The following PCDHGB4 variants were observed in gnomAD, a reference collection of about 807,000 sequenced individuals.
PCDHGB4 encodes the protein protocadherin gamma-B4.
In PCDHGB4, 38 loss-of-function variants were observed where a neutral mutation model predicts 60.5. The ratio of observed to expected loss-of-function variants is 0.63; its 90% CI spans 0.48 to 0.82. The LOEUF (loss-of-function observed/expected upper bound fraction) is 0.82. PCDHGB4 is among the 40% of genes least tolerant of loss of function. The pLI, the probability that PCDHGB4 is intolerant of heterozygous loss-of-function variation, is 0.00. For synonymous variants in PCDHGB4, 456 were observed against 509.7 expected, an observed-to-expected ratio of 0.89 and a Z score of 1.42; for missense variants, 1,109 against 1,209.6, an observed-to-expected ratio of 0.92 and a Z score of 1.23.
intron 1 of PCDHGB4, among the ~76,000 whole-genome samples, chr5:141,460,454 T>C (rs1010186960): frequency 6.6e-6 from 1 of 152,194 alleles, no homozygotes; most frequent in Admixed American, 6.6e-5. Context: ...TGAAGATTCA[T>C]ATTTTTTTCC....
Position 141,388,937 on chromosome 5 carries a change from C to T in PCDHGB4, c.1053C>T (p.Pro351=). ...CAGAAGTGATATTCCAGTCTCTACC[C>T]AACCTAATTATGGAGGACGCCGAGC... is the stretch of plus-strand genomic sequence containing the variant. ...NAPEVIFQSL[P]NLIMEDAELG... The change falls in exon 1 of 4, where the codon CCC becomes CCT. Residue 351 remains proline (P), a synonymous_variant. Transcript: ENST00000519479. The T allele has an allele frequency of 6.2e-7, 1 of 1,613,964 alleles. No individual in the cohort carries two copies. The highest frequency in any genetic ancestry group is 8.5e-7 in the Non-Finnish European group (1 of 1,179,872).
At chr5:141,423,500 T>A (rs1191111288) in intron 1 of PCDHGB4, 1 of 1,613,732 alleles carries the variant, frequency 6.2e-7, no homozygotes, top group Non-Finnish European at 8.5e-7. Flanking sequence ...TCCCACGAGG[T>A]CTCTCTCATT....
At position 141,399,508 on chromosome 5, in the gene PCDHGB4, A is replaced by C. The variant is rs780948105; in HGVS notation, c.2397+9227A>C. ...CTACTTAGTCAGTGTACCCGAAAAC[A>C]ACCCTCCTGGGGCCTCCATCGCGCA... On this transcript the variant is annotated intron_variant, in intron 1 of 3. Coordinates refer to ENST00000519479, the MANE Select transcript of PCDHGB4 (RefSeq NM_003736.4). 3.2e-5 allele frequency: 51 copies of C among 1,613,904 alleles called. No homozygotes were observed. In the African/African-American group the frequency reaches 6.7e-4, roughly 21 times the overall value.
Position 141,487,522 on chromosome 5 carries a change from T to G in PCDHGB4, c.2398-7285T>G, listed in dbSNP as rs764726787. Reference sequence around the variant, plus strand: ...TGGCTTCTGCACCCACTCGGAGTGATAGCTTCATGATGGTGAAGTCACCCA... The same window carrying G: ...TGGCTTCTGCACCCACTCGGAGTGAGAGCTTCATGATGGTGAAGTCACCCA... On this transcript the variant is annotated intron_variant, in intron 1 of 3. Transcript: ENST00000519479. This position sits in a 1 kb window ranked among gnomAD's most constrained non-coding sequence, Gnocchi z 5.0. The G allele has an allele frequency of 6.2e-7, 1 of 1,614,166 alleles. No individual in the cohort carries two copies. The highest frequency in any genetic ancestry group is 8.5e-7 in the Non-Finnish European group (1 of 1,180,022).
chr5:141,505,326 G>A, intron 2 of PCDHGB4, 67 bp from the exon 3 acceptor site: 2 of 1,607,648 alleles, frequency 1.2e-6, no homozygotes, highest in East Asian at 2.2e-5. Context: ...AGCCCTGGGA[G>A]AGGACAGGAG....
In PCDHGB4 at chr5:141,476,686, C is replaced by T. The variant is rs138480390; in HGVS notation, c.2398-18121C>T. On this transcript the variant is annotated intron_variant, in intron 1 of 3. Coordinates refer to ENST00000519479, the MANE Select transcript of PCDHGB4 (RefSeq NM_003736.4). The surrounding 1 kb of genome is among the most constrained non-coding windows in gnomAD (Gnocchi z 7.6). ...TTCGCGTGCAGACGCGGGAGGACAGCACCAAGTACGCGGAGCTGGTGTTGG... is the reference window on the plus strand; with the variant it reads ...TTCGCGTGCAGACGCGGGAGGACAGTACCAAGTACGCGGAGCTGGTGTTGG... 6.2e-7 allele frequency: 1 copy of T among 1,614,126 alleles called. No homozygotes were observed. The highest frequency in any genetic ancestry group is 1.3e-5 in the African/African-American group (1 of 74,952).
At chr5:141,403,218 G>A in intron 1 of PCDHGB4, 1 of 1,613,968 alleles carries the variant, frequency 6.2e-7, no homozygotes. Flanking sequence ...ACCGCGGGTA[G>A]GATAGACCGG....
At chr5:141,449,137 A>C (rs1257120647) in intron 1 of PCDHGB4, among the ~76,000 whole-genome samples, 1 of 152,176 alleles carries the variant, frequency 6.6e-6, no homozygotes, top group Non-Finnish European at 1.5e-5. Context: ...AATGGAATTG[A>C]AATTGCTGGG....
At chr5:141,428,022 G>A (rs1439933482) in intron 1 of PCDHGB4, 11 of 1,605,558 alleles carry the variant, frequency 6.9e-6, no homozygotes, top group South Asian at 1.1e-5. Context: ...GCCACGCGCC[G>A]CAGAGTCCGG....
rs373553997 is a variant in PCDHGB4 at position 141,388,640 on chromosome 5, A to G, written c.756A>G (p.Ser252=). Residue 252 remains serine, a synonymous_variant, in exon 1 of 4, where the codon TCA becomes TCG. Coordinates refer to ENST00000519479, the MANE Select transcript of PCDHGB4 (RefSeq NM_003736.4). ...FSQDVYRVSL[S]ENVYPGTTVL... ...AAGACGTATACAGGGTGAGCCTTTC[A>G]GAAAACGTGTACCCGGGGACCACGG... 3 of 1,613,844 alleles carry G rather than the reference A, an allele frequency of 1.9e-6. No homozygotes were observed. Among genetic ancestry groups the G allele is most frequent in the African/African-American group, 2.7e-5 (2 of 74,916 alleles).
In PCDHGB4 at chr5:141,415,309, G is replaced by A. The variant is rs199689792; in HGVS notation, c.2397+25028G>A. ...GGTCTCCTGCGTCTTCCTGGCCTTC[G>A]TCATCGTGCTGCTGGCGCACAGGCT... is the stretch of plus-strand genomic sequence containing the variant. On this transcript the variant is annotated intron_variant, in intron 1 of 3. Coordinates refer to ENST00000519479, the MANE Select transcript of PCDHGB4 (RefSeq NM_003736.4). 2.7e-5 allele frequency: 44 copies of A among 1,614,216 alleles called. No homozygotes were observed. In the Middle Eastern group the frequency reaches 8.2e-4, roughly 30 times the overall value.
chr5:141,431,435 G>C lies in PCDHGB4; in HGVS notation c.2397+41154G>C, dbSNP rs376827063. The C allele has an allele frequency of 6.2e-7, 1 of 1,613,668 alleles. No homozygotes were observed. The highest frequency in any genetic ancestry group is 1.7e-5 in the Admixed American group (1 of 60,010). On this transcript the variant is annotated intron_variant, in intron 1 of 3. Coordinates refer to ENST00000519479, the MANE Select transcript of PCDHGB4 (RefSeq NM_003736.4). This position sits in a 1 kb window ranked among gnomAD's most constrained non-coding sequence, Gnocchi z 4.8. ...GGGCGACCCGGTGCGCACAGGCACC[G>C]CGCGCATCCGCGTGATGGTTCTGGA...
At chr5:141,436,384 CT>C (rs768914860) in intron 1 of PCDHGB4, among the ~76,000 whole-genome samples, 1 of 152,104 alleles carries the variant, frequency 6.6e-6, no homozygotes, top group Non-Finnish European at 1.5e-5. Context: ...GCTGAATAGG[CT>C]TTATTAAATA....
At chr5:141,458,075 A>G (rs1301404730) in intron 1 of PCDHGB4, among the ~76,000 whole-genome samples, 2 of 152,234 alleles carry the variant, frequency 1.3e-5, no homozygotes, top group Non-Finnish European at 2.9e-5. Flanking sequence ...GAACAACTAT[A>G]TTGCCGTAAG....
At chr5:141,475,448 G>C (rs774710049) in intron 1 of PCDHGB4, among the ~76,000 whole-genome samples, 1 of 152,214 alleles carries the variant, frequency 6.6e-6, no homozygotes, top group African/African-American at 2.4e-5. Context: ...CAGATAATGA[G>C]GAAGTGACAG....
At chr5:141,409,967 AC>A (rs779248187) in intron 1 of PCDHGB4, 29 of 1,613,086 alleles carry the variant, frequency 1.8e-5, no homozygotes, top group Non-Finnish European at 2.4e-5. Flanking sequence ...CTACCTAGTG[AC>A]TAAGGTGGTA....
Position 141,427,950 on chromosome 5 carries a change from A to C in PCDHGB4, c.2397+37669A>C, listed in dbSNP as rs773336611. The stretch of plus-strand genomic sequence containing the variant: ...CATGTTGGTGGGCGACCTCAATGAC[A>C]ATGTGCCGCGGGTGCTGTACCCCGC... On this transcript the variant is annotated intron_variant, in intron 1 of 3. Transcript: ENST00000519479. 7 of 1,586,816 alleles carry C rather than the reference A, an allele frequency of 4.4e-6. No individual in the cohort carries two copies. The African/African-American group carries it at 8.1e-5, about 18-fold the overall frequency.
chr5:141,500,618 C>T (rs554274946), intron 2 of PCDHGB4, among the ~76,000 whole-genome samples: 1 of 152,262 alleles, frequency 6.6e-6, no homozygotes, highest in South Asian at 2.1e-4. Flanking sequence ...CCCAGTCATA[C>T]GGTACATTTC....
At chr5:141,461,225 T>C (rs1157429654) in intron 1 of PCDHGB4, among the ~76,000 whole-genome samples, 3 of 152,162 alleles carry the variant, frequency 2.0e-5, no homozygotes, top group African/African-American at 7.2e-5. Flanking sequence ...CTGTTTTCCA[T>C]AGAGGTTGTA....
Sources: allele counts gnomAD v4.1 joint callset (sites outside exome capture counted in the v4.1 genomes callset), GRCh38; gene constraint gnomAD v4.1.1; non-coding constraint Gnocchi (gnomAD v3.1); transcripts MANE v1.5; gene names NCBI Gene and HGNC (gene_info 2026-07-23, HGNC 2026-07-21).